The following TIMM17B variants were observed in gnomAD, a reference collection of about 807,000 sequenced individuals.
TIMM17B encodes the protein translocase of inner mitochondrial membrane 17B.
Under a neutral mutation model 15.9 loss-of-function variants are expected in TIMM17B, and 10 were observed. That is an observed-to-expected ratio of 0.63 (90% confidence interval 0.39 to 1.06). The LOEUF is 1.06. Ranked by LOEUF, TIMM17B falls within the 50% of genes least tolerant of loss-of-function variation. The probability of loss-of-function intolerance (pLI) is 0.01; values close to 1 mark genes in which losing one functional copy is unlikely to be tolerated. For synonymous variants in TIMM17B, 57 were observed against 57.2 expected (o/e 1.00, Z 0.02); for missense variants, 114 against 152.2 (o/e 0.75, Z 1.32).
chrX:48,896,785 T>C (rs782589593), exon 3 of TIMM17B: 19 of 1,208,087 alleles, frequency 1.6e-5, no homozygotes, highest in Non-Finnish European at 2.1e-5. Context: ...AAACCCTTGA[T>C]GGCCTGGAAG....
intron 3 of TIMM17B, 182 bp from the exon 3 acceptor site, chrX:48,895,283 T>C (rs1366304908): frequency 3.4e-5 from 17 of 495,878 alleles, no homozygotes; most frequent in Non-Finnish European, 5.8e-5. Flanking sequence ...CAGAGCTAGG[T>C]TGAGAAGTGC....
chrX:48,896,239 C>T (rs1043693656), intron 3 of TIMM17B: 2 of 110,047 alleles, frequency 1.8e-5, no homozygotes, highest in Non-Finnish European at 3.8e-5. Context: ...GTAGGTGGAT[C>T]ACCTGAGGTC....
chrX:48,898,102 A>G, exon 1 of TIMM17B: 1 of 1,016,639 alleles, frequency 9.8e-7, no homozygotes, highest in Admixed American at 4.2e-5. Context: ...GGGTGGGTGC[A>G]CTCTTTTGGA....
intron 1 of TIMM17B, chrX:48,897,994 AAG>A (rs1322947236): frequency 4.1e-6 from 4 of 964,455 alleles, no homozygotes; most frequent in East Asian, 3.5e-5. Context: ...GTGTTTTGGG[AAG>A]AGAGTCGTGT....
chrX:48,895,063 C>A, exon 4 of TIMM17B: 8 of 1,202,503 alleles, frequency 6.7e-6, no homozygotes, highest in Non-Finnish European at 9.0e-6. Context: ...CTCGGATCCT[C>A]ACAGCATTGG....
At chrX:48,894,101 G>T in exon 5 of TIMM17B, 1 of 1,198,638 alleles carries the variant, frequency 8.3e-7, no homozygotes, top group Non-Finnish European at 1.1e-6. Context: ...ACTCACTGCG[G>T]GCAGCCAGCA....
chrX:48,895,393 T>TGAACAAGGTAGGTCTGCAGA, intron 3 of TIMM17B: 1 of 516,426 alleles, frequency 1.9e-6, no homozygotes. Context: ...GATACAGCCA[T>TGAACAAGGTAGGTCTGCAGA]GAACAAGGTA....
At chrX:48,897,923 C>A in intron 1 of TIMM17B, 155 bp from the exon 1 acceptor site, 1 of 882,455 alleles carries the variant, frequency 1.1e-6, no homozygotes, top group Non-Finnish European at 1.5e-6. Flanking sequence ...GCCTCCTGAG[C>A]GTAGTCCAGT....
intron 2 of TIMM17B, chrX:48,897,515 G>C: frequency 4.5e-6 from 2 of 440,370 alleles, no homozygotes; most frequent in Non-Finnish European, 4.0e-6. Flanking sequence ...GAAACATGGC[G>C]TGGTTCGGCC....
intron 1 of TIMM17B, 186 bp from the exon 1 acceptor site, chrX:48,897,954 G>T: frequency 2.3e-6 from 2 of 882,511 alleles, no homozygotes; most frequent in Middle Eastern, 2.9e-4. Context: ...CTCGGGGAGT[G>T]AAGGCCTCGT....
At chrX:48,895,532 CTG>C in intron 3 of TIMM17B, 1 of 512,035 alleles carries the variant, frequency 2.0e-6, no homozygotes, top group Admixed American at 2.7e-5. Context: ...AGAAATATGA[CTG>C]GGGCTGAGGG....
At chrX:48,897,796 C>G (rs1557039945) in exon 2 of TIMM17B, 1 of 1,199,248 alleles carries the variant, frequency 8.3e-7, no homozygotes, top group Admixed American at 2.2e-5. Context: ...CCAGCGTAGA[C>G]GCACACCGGC....
At chrX:48,897,901 C>A (rs2063331718) in intron 1 of TIMM17B, 133 bp from the exon 1 acceptor site, 2 of 929,165 alleles carry the variant, frequency 2.2e-6, no homozygotes, top group Admixed American at 6.3e-5. Context: ...GAGTTTCTGC[C>A]ATTTGTTCAT....
At chrX:48,896,992 A>C (rs1375981274) in intron 2 of TIMM17B, 134 bp from the exon 2 acceptor site, 30 of 1,103,601 alleles carry the variant, frequency 2.7e-5, no homozygotes, top group Non-Finnish European at 3.2e-5. Flanking sequence ...ACTTCAGATA[A>C]TAATGAGCTA....
At chrX:48,897,360 G>T in intron 2 of TIMM17B, 1 of 252,165 alleles carries the variant, frequency 4.0e-6, no homozygotes, top group Non-Finnish European at 7.1e-6. Flanking sequence ...TCCGTGCCCC[G>T]CCCCCCACTG....
rs1465635039 is a variant in TIMM17B at position 48,898,062 on chromosome X, ACTAC to A, written c.-73+1_-73+4del. 1 of 1,034,508 alleles carries A rather than the reference ACTAC, an allele frequency of 9.7e-7. No individual in the cohort carries two copies. Among genetic ancestry groups the A allele is most frequent in the Non-Finnish European group, 1.2e-6 (1 of 809,169 alleles). The allele number at this position is 1,034,508 out of a possible 1,213,427, so 85.3% of individuals were successfully genotyped here. Reference sequence around the variant, plus strand: ...GAGACGGGCGGTGTGACAGCCTTCCACTACCTGCACGAGTGTATTGGTAACGTTG... The same window carrying A: ...GAGACGGGCGGTGTGACAGCCTTCCACTGCACGAGTGTATTGGTAACGTTG... On this transcript the variant is annotated splice_donor_variant and splice_donor_region_variant and intron_variant, in intron 1 of 6. Coordinates refer to ENST00000376582, the Ensembl canonical transcript of TIMM17B. LOFTEE classifies it low-confidence loss of function (5UTR_SPLICE).
chrX:48,896,903 C>T (rs2063318473), intron 2 of TIMM17B, 45 bp from the exon 2 acceptor site: 1 of 1,201,647 alleles, frequency 8.3e-7, no homozygotes. Context: ...AGCCCTCCCC[C>T]AGGTCCTGTC....
chrX:48,896,911 G>T lies in TIMM17B; in HGVS notation c.27-53C>A. 3 of 1,200,714 alleles carry T rather than the reference G, an allele frequency of 2.5e-6. No individual in the cohort carries two copies. The East Asian group carries it at 9.0e-5, about 36-fold the overall frequency. On this transcript the variant is annotated intron_variant, in intron 2 of 6. Transcript: ENST00000376582. ...TAATGTGAGCCCTCCCCCAGGTCCT[G>T]TCACACGAACTCTTTTCTAACTGGG...
intron 3 of TIMM17B, 39 bp downstream of exon 2, chrX:48,896,720 A>G: frequency 8.3e-7 from 1 of 1,209,127 alleles, no homozygotes; most frequent in Non-Finnish European, 1.1e-6. Context: ...TGGGCAAGAT[A>G]GCTAACCCCA....
Sources: gnomAD v4.1 joint callset for allele counts on GRCh38, gnomAD v4.1.1 for gene constraint, MANE v1.5 for transcripts, NCBI Gene and HGNC (gene_info 2026-07-23, HGNC 2026-07-21) for gene names.